Variants in COL8A1 observed in about 807,000 individuals in gnomAD.
COL8A1 encodes collagen alpha-1(VIII) chain.
COL8A1 carries 21 observed loss-of-function variants against 42.7 expected under a neutral mutation model. The ratio of observed to expected loss-of-function variants is 0.49; its 90% CI spans 0.35 to 0.71. The LOEUF (loss-of-function observed/expected upper bound fraction) is 0.71. COL8A1 is among the 30% of genes least tolerant of loss of function. The probability of loss-of-function intolerance (pLI) is 0.01; values close to 1 mark genes in which losing one functional copy is unlikely to be tolerated. For synonymous variants in COL8A1, 367 were observed against 369.1 expected (o/e 0.99, Z 0.06); for missense variants, 788 against 962.4 (o/e 0.82, Z 2.40).
chr3:99,715,417 A>G (rs1175748803), intron 1 of COL8A1, among the ~76,000 whole-genome samples: 1 of 151,918 alleles, frequency 6.6e-6, no homozygotes, highest in Admixed American at 6.6e-5. Flanking sequence ...GGGAAAGAGG[A>G]GAATGAAGAA....
In COL8A1 at chr3:99,796,231, C is replaced by A; in HGVS notation, c.*95C>A. On this transcript the variant is annotated 3_prime_UTR_variant, in exon 4 of 4. Transcript: ENST00000652472. ...AATGAAAAACATAATTGCTTCAAAA[C>A]ACTTACACAGTTGGAAAGTTATATG... 9.5e-7 allele frequency: 1 copy of A among 1,048,274 alleles called. No homozygotes were observed. The highest frequency in any genetic ancestry group is 1.3e-6 in the Non-Finnish European group (1 of 758,964). The allele number at this position is 1,048,274 out of a possible 1,614,324, so 64.9% of individuals were successfully genotyped here.
At chr3:99,753,677 A>C (rs1417292961) in intron 2 of COL8A1, among the ~76,000 whole-genome samples, 1 of 152,208 alleles carries the variant, frequency 6.6e-6, no homozygotes, top group African/African-American at 2.4e-5. Flanking sequence ...TATGTTCAAA[A>C]TGAGATCCCT....
chr3:99,775,686 C>T (rs773841201), intron 2 of COL8A1, among the ~76,000 whole-genome samples: 56 of 152,182 alleles, frequency 3.7e-4, no homozygotes, highest in Admixed American at 3.3e-3. Context: ...CCATGTTACT[C>T]TCTACCTATT....
chr3:99,653,270 G>T (rs1466490824), intron 1 of COL8A1, among the ~76,000 whole-genome samples: 1 of 152,184 alleles, frequency 6.6e-6, no homozygotes, highest in African/African-American at 2.4e-5. Flanking sequence ...GAATCTCTGT[G>T]CCTTGTAGCT....
chr3:99,796,017 C>T lies in COL8A1; in HGVS notation c.2116C>T (p.Leu706=). 6.2e-7 allele frequency: 1 copy of T among 1,613,906 alleles called. No individual in the cohort carries two copies. The highest frequency in any genetic ancestry group is 8.5e-7 in the Non-Finnish European group (1 of 1,179,928). Residue 706 remains leucine, a synonymous_variant, in exon 4 of 4, where the codon CTG becomes TTG. Coordinates refer to ENST00000652472, the MANE Select transcript of COL8A1 (RefSeq NM_020351.4). ...FLDQASGSAV[L]LLRPGDRVFL... is the part of the protein sequence containing the mutation. Reference sequence around the variant, plus strand: ...GGACCAGGCATCTGGGAGTGCAGTGCTGCTGCTCAGGCCCGGAGACCGGGT... The same window carrying T: ...GGACCAGGCATCTGGGAGTGCAGTGTTGCTGCTCAGGCCCGGAGACCGGGT...
At chr3:99,710,277 C>T (rs1056466898) in intron 1 of COL8A1, among the ~76,000 whole-genome samples, 1 of 152,114 alleles carries the variant, frequency 6.6e-6, no homozygotes, top group East Asian at 1.9e-4. Flanking sequence ...ATTCTCTTTG[C>T]CCCACCCACA....
intron 1 of COL8A1, among the ~76,000 whole-genome samples, chr3:99,646,886 G>A (rs992816839): frequency 3.9e-5 from 6 of 152,184 alleles, no homozygotes; most frequent in Non-Finnish European, 7.4e-5. Context: ...ACAATACAGG[G>A]TTTCTGATCT....
In COL8A1 at chr3:99,795,839, C is replaced by T. The variant is rs201819230; in HGVS notation, c.1938C>T (p.Tyr646=). The change falls in exon 4 of 4, where the codon TAC becomes TAT. Residue 646 remains tyrosine (Y), a synonymous_variant. Coordinates refer to ENST00000652472, the MANE Select transcript of COL8A1 (RefSeq NM_020351.4). ...NKLLYNGRQN[Y]NPQTGIFTCE... ...TGCTGTATAACGGCAGACAGAACTA[C>T]AACCCGCAGACAGGCATCTTCACCT... 9.9e-6 allele frequency: 16 copies of T among 1,614,184 alleles called. No homozygotes were observed. The highest frequency in any genetic ancestry group is 6.7e-5 in the Admixed American group (4 of 60,036).
In COL8A1 at chr3:99,684,705, G is replaced by C. The variant is rs115546148; in HGVS notation, c.-129+46041G>C. Among the ~76,000 whole-genome samples the C allele has an allele frequency of 3.7e-3, 557 of 152,274 alleles. 3 individuals are homozygous for C. The highest frequency in any genetic ancestry group is 0.012 in the African/African-American group (490 of 41,550). The stretch of plus-strand genomic sequence containing the variant: ...GTTGTATGTTTACTTTATAATGTCT[G>C]AATTTGGCTCCTTGTAGAGTAATTT... On this transcript the variant is annotated intron_variant, in intron 1 of 3. Transcript: ENST00000652472.
intron 1 of COL8A1, among the ~76,000 whole-genome samples, chr3:99,720,207 A>G (rs575994479): frequency 6.6e-6 from 1 of 152,244 alleles, no homozygotes; most frequent in Admixed American, 6.5e-5. Context: ...TCCCAACACC[A>G]TATTATGACT....
At chr3:99,789,987 T>G (rs1457637479) in intron 2 of COL8A1, among the ~76,000 whole-genome samples, 1 of 152,254 alleles carries the variant, frequency 6.6e-6, no homozygotes, top group Non-Finnish European at 1.5e-5. Flanking sequence ...CTGTTTGCTC[T>G]TTACATTTAC....
intron 1 of COL8A1, among the ~76,000 whole-genome samples, chr3:99,718,783 C>G (rs1337235016): frequency 6.6e-6 from 1 of 152,024 alleles, no homozygotes; most frequent in Non-Finnish European, 1.5e-5. Flanking sequence ...AATTCAGTTG[C>G]ATACTTACGT....
At chr3:99,695,445 A>G (rs1430693620) in intron 1 of COL8A1, among the ~76,000 whole-genome samples, 4 of 152,216 alleles carry the variant, frequency 2.6e-5, no homozygotes, top group African/African-American at 7.2e-5. Context: ...CCAAGAGAAA[A>G]CTGAAGAATT....
intron 1 of COL8A1, among the ~76,000 whole-genome samples, chr3:99,699,275 C>T (rs1939465028): frequency 6.6e-6 from 1 of 152,204 alleles, no homozygotes; most frequent in Non-Finnish European, 1.5e-5. Context: ...TCCACTCACA[C>T]CATCAACATT....
intron 1 of COL8A1, among the ~76,000 whole-genome samples, chr3:99,648,319 G>A (rs9821695): frequency 0.32 from 48,866 of 151,870 alleles, 8,644 homozygotes; most frequent in African/African-American, 0.46. Flanking sequence ...TCCTATCATG[G>A]AGGAAAAAAA....
chr3:99,656,153 T>G (rs541578605), intron 1 of COL8A1, among the ~76,000 whole-genome samples: 2 of 152,224 alleles, frequency 1.3e-5, no homozygotes, highest in Non-Finnish European at 2.9e-5. Context: ...CTTAAAGGTA[T>G]AAAATATCAG....
At chr3:99,729,388 A>T (rs879360632) in intron 1 of COL8A1, among the ~76,000 whole-genome samples, 1 of 152,032 alleles carries the variant, frequency 6.6e-6, no homozygotes, top group East Asian at 1.9e-4. Flanking sequence ...TTCCTTTACC[A>T]GATTATTTAG....
At chr3:99,716,153 G>T (rs1939988014) in intron 1 of COL8A1, among the ~76,000 whole-genome samples, 1 of 152,056 alleles carries the variant, frequency 6.6e-6, no homozygotes, top group Non-Finnish European at 1.5e-5. Flanking sequence ...TCATACACAA[G>T]TGGGTAATTA....
intron 1 of COL8A1, among the ~76,000 whole-genome samples, chr3:99,656,640 A>G (rs1938030776): frequency 6.6e-6 from 1 of 152,204 alleles, no homozygotes; most frequent in Non-Finnish European, 1.5e-5. Context: ...AAAAGATGCA[A>G]AGGCAGTCAG....
Sources: gnomAD v4.1 joint callset for allele counts (sites outside exome capture counted in the v4.1 genomes callset) on GRCh38, gnomAD v4.1.1 for gene constraint, MANE v1.5 for transcripts, NCBI Gene and HGNC (gene_info 2026-07-23, HGNC 2026-07-21) for gene names.